The following ASTN2 variants were observed in gnomAD, a reference collection of about 807,000 sequenced individuals.
ASTN2 encodes the protein astrotactin 2.
ASTN2 carries 54 observed loss-of-function variants against 139.8 expected under a neutral mutation model. The ratio of observed to expected loss-of-function variants is 0.39; its 90% CI spans 0.31 to 0.48. The LOEUF (loss-of-function observed/expected upper bound fraction) is 0.48. ASTN2 is among the 20% of genes least tolerant of loss of function. The pLI is 0.95. For missense variants in ASTN2, 1,565 were observed against 1,725.1 expected (o/e 0.91, Z 1.64); for synonymous variants, 756 against 719.5 (o/e 1.05, Z -0.81).
At chr9:116,647,105 T>C (rs182775352) in intron 17 of ASTN2, among the ~76,000 whole-genome samples, 396 of 152,306 alleles carry the variant, frequency 2.6e-3, no homozygotes, top group African/African-American at 9.3e-3. Flanking sequence ...TCACTTTACA[T>C]GTCACTTTCT....
chr9:116,781,930 C>G (rs1050697288), intron 13 of ASTN2, among the ~76,000 whole-genome samples: 1 of 152,040 alleles, frequency 6.6e-6, no homozygotes, highest in African/African-American at 2.4e-5. Context: ...GTTCAGATAC[C>G]TCGAGCAGCT....
intron 1 of ASTN2, among the ~76,000 whole-genome samples, chr9:117,374,077 C>G (rs566771680): frequency 7.2e-5 from 11 of 152,148 alleles, no homozygotes; most frequent in Admixed American, 1.3e-4. Context: ...GAAATACTTG[C>G]AACTGTTATG....
chr9:116,834,902 A>T (rs56392505), intron 11 of ASTN2, among the ~76,000 whole-genome samples: 1 of 152,156 alleles, frequency 6.6e-6, no homozygotes, highest in Admixed American at 6.6e-5. Flanking sequence ...TGTAAAAATT[A>T]TCCAAGTATT....
At chr9:116,620,509 C>A (rs1384170429) in intron 17 of ASTN2, 66 bp from the exon 18 acceptor site, 3 of 1,597,382 alleles carry the variant, frequency 1.9e-6, no homozygotes, top group African/African-American at 1.3e-5. Flanking sequence ...AGTAAATGTG[C>A]TGATGGCCAT....
At chr9:116,984,070 T>C (rs912019234) in intron 7 of ASTN2, among the ~76,000 whole-genome samples, 2 of 152,248 alleles carry the variant, frequency 1.3e-5, no homozygotes, top group Admixed American at 6.5e-5. Context: ...GTTTCTTTCC[T>C]AATTGGAAAC....
At chr9:116,614,716 A>G (rs1410592972) in intron 19 of ASTN2, among the ~76,000 whole-genome samples, 1 of 152,190 alleles carries the variant, frequency 6.6e-6, no homozygotes, top group East Asian at 1.9e-4. Context: ...TTATACAAAA[A>G]TTAATTAAGG....
At chr9:117,284,693 T>C (rs1834405565) in intron 2 of ASTN2, among the ~76,000 whole-genome samples, 1 of 152,244 alleles carries the variant, frequency 6.6e-6, no homozygotes, top group African/African-American at 2.4e-5. Flanking sequence ...AATGCACTTA[T>C]AAGTAGCAGA....
chr9:116,775,190 C>CGATTCCA (rs1169864590), intron 13 of ASTN2, among the ~76,000 whole-genome samples: 1 of 151,950 alleles, frequency 6.6e-6, no homozygotes, highest in Non-Finnish European at 1.5e-5. Context: ...CCCAGGATGG[C>CGATTCCA]GATTCCACTG....
chr9:117,155,420 T>A (rs1208802299), intron 3 of ASTN2, among the ~76,000 whole-genome samples: 1 of 151,890 alleles, frequency 6.6e-6, no homozygotes, highest in Non-Finnish European at 1.5e-5. Flanking sequence ...CATGTACGGG[T>A]GGACGGGTCT....
At chr9:116,814,805 G>A (rs886952070) in intron 12 of ASTN2, among the ~76,000 whole-genome samples, 65 of 152,144 alleles carry the variant, frequency 4.3e-4, no homozygotes, top group African/African-American at 1.6e-3. Context: ...TTTAATATTT[G>A]AATGTCTCAT....
intron 22 of ASTN2, among the ~76,000 whole-genome samples, chr9:116,429,895 G>A (rs10817890): frequency 0.16 from 24,590 of 152,210 alleles, 2,343 homozygotes; most frequent in Middle Eastern, 0.24. Context: ...CCACACCTGA[G>A]CTAGTTCTTC....
At chr9:116,755,379 T>C (rs1313642035) in intron 13 of ASTN2, among the ~76,000 whole-genome samples, 1 of 152,052 alleles carries the variant, frequency 6.6e-6, no homozygotes, top group African/African-American at 2.4e-5. Context: ...TAAAATGAGG[T>C]CATTAAGATG....
chr9:116,447,461 T>G (rs1019409683), intron 20 of ASTN2, among the ~76,000 whole-genome samples: 1 of 152,144 alleles, frequency 6.6e-6, no homozygotes, highest in African/African-American at 2.4e-5. Flanking sequence ...TCAGAATGAA[T>G]GAGGTTCATT....
intron 20 of ASTN2, among the ~76,000 whole-genome samples, chr9:116,463,908 G>GTTTT (rs71502069): frequency 0.042 from 4,914 of 115,760 alleles, 245 homozygotes; most frequent in East Asian, 0.21. Context: ...AGAGTTTTGT[G>GTTTT]TTTTTTTTTT....
chr9:116,700,644 A>G (rs1861123845), intron 16 of ASTN2: 1 of 166,976 alleles, frequency 6.0e-6, no homozygotes, highest in African/African-American at 2.4e-5. Flanking sequence ...CAGCAAAACT[A>G]TTGGTTTGTT....
At chr9:116,477,091 C>T (rs779713622) in intron 20 of ASTN2, among the ~76,000 whole-genome samples, 1 of 152,044 alleles carries the variant, frequency 6.6e-6, no homozygotes, top group South Asian at 2.1e-4. Flanking sequence ...CCCTCTGGAA[C>T]CCTGGCTGGT....
chr9:117,307,849 G>A (rs1040479088), intron 1 of ASTN2, among the ~76,000 whole-genome samples: 5 of 152,154 alleles, frequency 3.3e-5, no homozygotes, highest in South Asian at 2.1e-4. Flanking sequence ...TAGAGGCCAC[G>A]TTTTGCACTC....
At position 116,635,653 on chromosome 9, in the gene ASTN2, G is replaced by A. The variant is rs148923568; in HGVS notation, c.3073-15210C>T. 1.3e-3 allele frequency among the ~76,000 whole-genome samples: 204 copies of A among 152,288 alleles called. 3 individuals carry two copies. The South Asian group carries it at 0.017, about 13-fold the overall frequency. Reference sequence around the variant, plus strand: ...CTACCCTACCTCAAGCACCTGCTACGTTATACTTCAATTGCCTGGTGTTCC... The same window carrying A: ...CTACCCTACCTCAAGCACCTGCTACATTATACTTCAATTGCCTGGTGTTCC... On this transcript the variant is annotated intron_variant, in intron 17 of 22. Coordinates refer to ENST00000313400, the MANE Select transcript of ASTN2 (RefSeq NM_001365068.1).
chr9:116,492,574 G>A (rs1218270056), intron 19 of ASTN2, among the ~76,000 whole-genome samples: 3 of 152,042 alleles, frequency 2.0e-5, no homozygotes, highest in Non-Finnish European at 2.9e-5. Context: ...CTGGAGTCTC[G>A]GAGATAACTT....
Sources: gnomAD v4.1 joint callset for allele counts (sites outside exome capture counted in the v4.1 genomes callset) on GRCh38, gnomAD v4.1.1 for gene constraint, MANE v1.5 for transcripts, NCBI Gene and HGNC (gene_info 2026-07-23, HGNC 2026-07-21) for gene names.